Variants in PSMA2 observed in about 807,000 individuals in gnomAD.
The protein encoded by PSMA2 is proteasome 20S subunit alpha 2.
PSMA2 carries 2 observed loss-of-function variants against 35.9 expected under a neutral mutation model. The observed-to-expected ratio is 0.06, with a 90% CI of 0.02 to 0.18. The LOEUF is 0.18. Among genes scored for constraint, PSMA2 ranks in the 10% least tolerant of loss-of-function variants. The pLI is 1.00. For synonymous variants in PSMA2, 97 were observed against 98.2 expected (o/e 0.99, Z 0.07); for missense variants, 126 against 278.8 (o/e 0.45, Z 3.90).
At position 42,922,043 on chromosome 7, in the gene PSMA2, A is replaced by G. The variant is rs58353024; in HGVS notation, c.457-112T>C. The stretch of plus-strand genomic sequence containing the variant: ...ATTGTTCTCTAACTTCGAAGGTCAC[A>G]GAATATTATTAGAATGGAAAACGTC... On this transcript the variant is annotated intron_variant, in intron 5 of 7. Coordinates refer to ENST00000223321, the MANE Select transcript of PSMA2 (RefSeq NM_002787.5). The G allele has an allele frequency of 2.1e-3, 1,599 of 777,228 alleles. 22 individuals are homozygous for G. In the African/African-American group the frequency reaches 0.025, roughly 12 times the overall value. 48.1% of individuals were successfully genotyped at this position (777,228 alleles called of 1,614,324 possible). A position where few individuals can be genotyped will look rare whatever the true frequency, so the allele number is the denominator to read the frequency against.
In PSMA2 at chr7:42,917,656, A is replaced by G. The variant is rs1786053069; in HGVS notation, c.623T>C (p.Ile208Thr). The change falls in exon 8 of 8, where the codon ATA becomes ACA. Residue 208 changes from isoleucine (I) to threonine (T), a missense_variant. Ile to Thr is a moderately conservative substitution (Grantham distance 89). Transcript: ENST00000223321. Reference protein sequence around the residue: ...SFEGQMTEDNIEVGICNEAGF... With the variant: ...SFEGQMTEDNTEVGICNEAGF... ...AGCTTCATTGCAGATTCCAACTTCT[A>G]TGTTATCCTCTGTCATTTGCCCTTC... 1 of 1,613,660 alleles carries G rather than the reference A, an allele frequency of 6.2e-7. No individual in the cohort carries two copies. The highest frequency in any genetic ancestry group is 8.5e-7 in the Non-Finnish European group (1 of 1,179,936).
intron 4 of PSMA2, among the ~76,000 whole-genome samples, chr7:42,924,346 T>C (rs1205351907): frequency 1.1e-5 from 1 of 90,190 alleles, no homozygotes; most frequent in African/African-American, 4.7e-5. Context: ...AGAGTGAGAC[T>C]CTGACTCAAA....
At chr7:42,930,610 C>G (rs1202732967) in intron 1 of PSMA2, among the ~76,000 whole-genome samples, 1 of 151,934 alleles carries the variant, frequency 6.6e-6, no homozygotes, top group Non-Finnish European at 1.5e-5. Flanking sequence ...TGAAGGTATA[C>G]GGTTGTTTTA....
At chr7:42,919,809 G>T (rs1037186397) in intron 6 of PSMA2, 8 of 696,224 alleles carry the variant, frequency 1.1e-5, no homozygotes, top group Non-Finnish European at 2.1e-5. Flanking sequence ...TAATAGTGGA[G>T]AAGAATTAGA....
rs1786039885 is a variant in PSMA2 at position 42,916,929 on chromosome 7, C to A, written c.*645G>T. The A allele has an allele frequency of 6.6e-6, 1 of 152,134 alleles. No individual in the cohort carries two copies. The highest frequency in any genetic ancestry group is 2.4e-5 in the African/African-American group (1 of 41,430). 9.4% of individuals were successfully genotyped at this position (152,134 alleles called of 1,614,324 possible). ...TCATCCTTGAGTTTAAAAAGTCTAA[C>A]AAAATCTAAGAACCCGGGTTCCTTT... On this transcript the variant is annotated 3_prime_UTR_variant, in exon 8 of 8. Transcript: ENST00000223321.
At chr7:42,930,458 C>G (rs1353695451) in intron 1 of PSMA2, among the ~76,000 whole-genome samples, 1 of 151,784 alleles carries the variant, frequency 6.6e-6, no homozygotes, top group Non-Finnish European at 1.5e-5. Flanking sequence ...TGCTGTGTTG[C>G]CCAGGCTAGT....
At chr7:42,927,094 G>A (rs1416905474) in intron 2 of PSMA2, among the ~76,000 whole-genome samples, 1 of 147,048 alleles carries the variant, frequency 6.8e-6, no homozygotes, top group African/African-American at 2.5e-5. Context: ...AAAACTGCCA[G>A]GAAGTAGTGA....
At chr7:42,926,788 T>C in intron 2 of PSMA2, 120 bp from the exon 3 acceptor site, 1 of 1,187,468 alleles carries the variant, frequency 8.4e-7, no homozygotes, top group Non-Finnish European at 1.1e-6. Context: ...TAAAACCTTT[T>C]CTTCCGGAGT....
chr7:42,930,641 T>C (rs1009701958), intron 1 of PSMA2, among the ~76,000 whole-genome samples: 1 of 152,016 alleles, frequency 6.6e-6, no homozygotes, highest in Non-Finnish European at 1.5e-5. Context: ...TCCACTAGGA[T>C]TACACTTTCT....
intron 3 of PSMA2, among the ~76,000 whole-genome samples, chr7:42,925,974 G>A (rs1786206257): frequency 6.6e-6 from 1 of 152,170 alleles, no homozygotes; most frequent in Admixed American, 6.5e-5. Context: ...TCAACTTGCT[G>A]GTACCCTGAG....
intron 6 of PSMA2, chr7:42,919,842 C>A: frequency 1.3e-6 from 1 of 743,334 alleles, no homozygotes; most frequent in South Asian, 1.4e-5. Context: ...ACACTCTGGT[C>A]CTATTCACTG....
At chr7:42,931,100 G>GTA in intron 1 of PSMA2, 1 of 422,666 alleles carries the variant, frequency 2.4e-6, no homozygotes, top group Non-Finnish European at 4.7e-6. Context: ...ACTCACCGAT[G>GTA]ACCTTAGACA....
chr7:42,924,560 T>C, intron 4 of PSMA2, 115 bp downstream of exon 4: 1 of 1,043,430 alleles, frequency 9.6e-7, no homozygotes, highest in Admixed American at 2.5e-5. Context: ...AGTGATTCTG[T>C]CCACTTGTTA....
chr7:42,924,902 T>C, intron 3 of PSMA2, 105 bp from the exon 4 acceptor site: 5 of 1,104,508 alleles, frequency 4.5e-6, no homozygotes, highest in Non-Finnish European at 6.3e-6. Flanking sequence ...TTAACATGTA[T>C]CTCTTTAATG....
At chr7:42,918,014 GGTGCTCAATTCCCAACATCATGAAC>G in intron 6 of PSMA2, 179 bp from the exon 7 acceptor site, 1 of 474,902 alleles carries the variant, frequency 2.1e-6, no homozygotes, top group Non-Finnish European at 3.7e-6. Context: ...GACAATATCT[GGTGCTCAATTCCCAACATCATGAAC>G]GGTATGACCC....
chr7:42,923,462 C>T, intron 4 of PSMA2, 56 bp from the exon 5 acceptor site: 1 of 1,390,420 alleles, frequency 7.2e-7, no homozygotes, highest in South Asian at 1.2e-5. Flanking sequence ...AAGTCATCCT[C>T]AAGAATTTAT....
intron 5 of PSMA2, among the ~76,000 whole-genome samples, chr7:42,922,934 T>A (rs1786148331): frequency 6.6e-6 from 1 of 152,192 alleles, no homozygotes; most frequent in South Asian, 2.1e-4. Flanking sequence ...GATAAATTAA[T>A]GTTTTTGCTG....
intron 1 of PSMA2, among the ~76,000 whole-genome samples, chr7:42,928,794 C>T (rs914856332): frequency 6.6e-6 from 1 of 152,260 alleles, no homozygotes; most frequent in Middle Eastern, 3.4e-3. Flanking sequence ...AGACTTCAAA[C>T]GCCTCATTGA....
At chr7:42,923,862 C>A (rs908434003) in intron 4 of PSMA2, among the ~76,000 whole-genome samples, 12 of 152,174 alleles carry the variant, frequency 7.9e-5, no homozygotes, top group African/African-American at 2.9e-4. Flanking sequence ...TCAGTTAATG[C>A]AGCTTTTCCA....
Sources: gnomAD v4.1 joint callset for allele counts (sites outside exome capture counted in the v4.1 genomes callset) on GRCh38, gnomAD v4.1.1 for gene constraint, MANE v1.5 for transcripts, NCBI Gene and HGNC (gene_info 2026-07-23, HGNC 2026-07-21) for gene names.